Variants in TYW1 observed in about 807,000 individuals in gnomAD.
The protein encoded by TYW1 is tRNA-yW synthesizing protein 1 homolog, also known as S-adenosyl-L-methionine-dependent tRNA 4-demethylwyosine synthase TYW1.
A neutral mutation model predicts 96.2 loss-of-function variants in TYW1; 46 were observed. That is an observed-to-expected ratio of 0.48 (90% confidence interval 0.38 to 0.61). The LOEUF is 0.61. TYW1 is among the 20% of genes least tolerant of loss of function. The pLI, the probability that TYW1 is intolerant of heterozygous loss-of-function variation, is 0.00. For missense variants in TYW1, 684 were observed against 909.6 expected (o/e 0.75, Z 3.19); for synonymous variants, 274 against 323.0 (o/e 0.85, Z 1.63).
intron 10 of TYW1, among the ~76,000 whole-genome samples, chr7:67,078,935 C>A (rs1796294456): frequency 6.6e-6 from 1 of 152,052 alleles, no homozygotes; most frequent in African/African-American, 2.4e-5. Context: ...AATTCATGAT[C>A]CGCCCACCTT....
At chr7:67,133,557 G>T (rs1336649993) in intron 13 of TYW1, among the ~76,000 whole-genome samples, 1 of 149,438 alleles carries the variant, frequency 6.7e-6, no homozygotes, top group Non-Finnish European at 1.5e-5. Context: ...AATTAGCTGG[G>T]CGTGATGATG....
intron 13 of TYW1, among the ~76,000 whole-genome samples, chr7:67,178,553 G>A (rs1335447053): frequency 6.6e-6 from 1 of 152,030 alleles, no homozygotes; most frequent in African/African-American, 2.4e-5. Flanking sequence ...AAATGTTTAG[G>A]GAATGGTTGA....
At chr7:67,076,525 G>T (rs1584531438) in intron 10 of TYW1, among the ~76,000 whole-genome samples, 1 of 151,968 alleles carries the variant, frequency 6.6e-6, no homozygotes, top group East Asian at 1.9e-4. Flanking sequence ...GCCCAGGCTG[G>T]AGTGCAGTGG....
At position 67,007,841 on chromosome 7, in the gene TYW1, G is replaced by A. The variant is rs553579528; in HGVS notation, c.274-1742G>A. 2.5e-4 allele frequency among the ~76,000 whole-genome samples: 38 copies of A among 152,158 alleles called. 1 individual carries two copies. In the South Asian group the frequency reaches 7.3e-3, roughly 29 times the overall value. Reference sequence around the variant, plus strand: ...GTAGAGATGGGGTTTCACCATGTTGGTCTGGCTGGTCTTGAACTCCTGACC... The same window carrying A: ...GTAGAGATGGGGTTTCACCATGTTGATCTGGCTGGTCTTGAACTCCTGACC... On this transcript the variant is annotated intron_variant, in intron 3 of 15. Coordinates refer to ENST00000359626, the MANE Select transcript of TYW1 (RefSeq NM_018264.4).
At chr7:67,150,332 G>A (rs1051619843) in intron 13 of TYW1, among the ~76,000 whole-genome samples, 8 of 152,024 alleles carry the variant, frequency 5.3e-5, no homozygotes, top group African/African-American at 1.9e-4. Flanking sequence ...ACCACCTTTG[G>A]TGTCATTCTC....
At chr7:67,148,488 T>C (rs1798680898) in intron 13 of TYW1, among the ~76,000 whole-genome samples, 3 of 144,030 alleles carry the variant, frequency 2.1e-5, no homozygotes, top group South Asian at 4.5e-4. Flanking sequence ...TGCAGTGGCG[T>C]GATCTCGGCT....
chr7:67,033,099 A>G (rs1339790142), intron 7 of TYW1, among the ~76,000 whole-genome samples: 1 of 151,528 alleles, frequency 6.6e-6, no homozygotes, highest in Non-Finnish European at 1.5e-5. Context: ...GTTTCACCAT[A>G]TTGGCCAGGC....
intron 13 of TYW1, among the ~76,000 whole-genome samples, chr7:67,169,138 CTTATAT>C (rs957118274): frequency 1.3e-5 from 2 of 151,734 alleles, no homozygotes; most frequent in African/African-American, 4.8e-5. Flanking sequence ...TTCCTTTTTT[CTTATAT>C]TTATATTATT....
chr7:66,998,254 T>G, intron 2 of TYW1, 59 bp downstream of exon 2: 1 of 1,549,868 alleles, frequency 6.5e-7, no homozygotes, highest in Non-Finnish European at 8.6e-7. Context: ...TATAGAGGAT[T>G]TAAATACTAA....
intron 4 of TYW1, among the ~76,000 whole-genome samples, chr7:67,013,120 CTT>C (rs535642821): frequency 2.8e-5 from 4 of 141,510 alleles, no homozygotes; most frequent in Non-Finnish European, 3.1e-5. Context: ...CTTTTCTTTT[CTT>C]TTTTTTTTTT....
chr7:67,231,136 A>G (rs111470046), intron 15 of TYW1, among the ~76,000 whole-genome samples: 14,986 of 151,942 alleles, frequency 0.099, 808 homozygotes, highest in Middle Eastern at 0.13. Context: ...TGCAATTGCT[A>G]TTTGTTTCCA....
intron 13 of TYW1, among the ~76,000 whole-genome samples, chr7:67,146,672 C>G (rs1249991189): frequency 6.6e-6 from 1 of 152,090 alleles, no homozygotes; most frequent in Non-Finnish European, 1.5e-5. Flanking sequence ...AGAATTGGAC[C>G]AAATGTGAAT....
At chr7:67,089,280 G>C (rs1796641163) in intron 11 of TYW1, 1 of 1,374,984 alleles carries the variant, frequency 7.3e-7, no homozygotes, top group East Asian at 2.4e-5. Flanking sequence ...GGCAAACCAG[G>C]CTCCTTGTCC....
At chr7:67,041,668 A>G (rs907143247) in intron 7 of TYW1, among the ~76,000 whole-genome samples, 3 of 152,154 alleles carry the variant, frequency 2.0e-5, no homozygotes, top group Admixed American at 6.5e-5. Flanking sequence ...CATCCATGAC[A>G]CACCACATGA....
At position 67,050,594 on chromosome 7, in the gene TYW1, A is replaced by G. The variant is rs191816217; in HGVS notation, c.1102+528A>G. On this transcript the variant is annotated intron_variant, in intron 8 of 15. Transcript: ENST00000359626. Reference sequence around the variant, plus strand: ...TGTGACCGTTCTGGCAATGCAGAGAAACACAGGAAACTATATCTGCTTCAA... The same window carrying G: ...TGTGACCGTTCTGGCAATGCAGAGAGACACAGGAAACTATATCTGCTTCAA... Among the ~76,000 whole-genome samples the G allele has an allele frequency of 1.1e-3, 161 of 152,258 alleles. 3 individuals carry two copies. The East Asian group carries it at 0.03, about 28-fold the overall frequency.
At position 67,239,473 on chromosome 7, in the gene TYW1, T is replaced by C; in HGVS notation, c.*944T>C. The stretch of plus-strand genomic sequence containing the variant: ...AGTTAGCAAGTTCTTTTAACAGTCT[T>C]TTATGCAAAAATTGAATTAATAAAA... On this transcript the variant is annotated 3_prime_UTR_variant, in exon 16 of 16. Coordinates refer to ENST00000359626, the MANE Select transcript of TYW1 (RefSeq NM_018264.4). The C allele has an allele frequency of 1.1e-6, 1 of 886,432 alleles. No homozygotes were observed. The highest frequency in any genetic ancestry group is 1.4e-6 in the Non-Finnish European group (1 of 739,880). The allele number at this position is 886,432 out of a possible 1,614,324, so 54.9% of individuals were successfully genotyped here. A position where few individuals can be genotyped will look rare whatever the true frequency, so the allele number is the denominator to read the frequency against.
chr7:67,133,720 A>G (rs1798161624), intron 13 of TYW1, among the ~76,000 whole-genome samples: 2 of 146,332 alleles, frequency 1.4e-5, no homozygotes, highest in South Asian at 4.4e-4. Context: ...TTGAGGTTTT[A>G]TTTTATAATC....
chr7:67,108,206 T>G (rs1341133863), intron 12 of TYW1, among the ~76,000 whole-genome samples: 2 of 152,050 alleles, frequency 1.3e-5, no homozygotes, highest in African/African-American at 4.8e-5. Flanking sequence ...AATAAAACGT[T>G]AAGCCCACCA....
chr7:67,009,826 T>C (rs1490531375), intron 4 of TYW1, 142 bp downstream of exon 4: 4 of 773,122 alleles, frequency 5.2e-6, no homozygotes, highest in Admixed American at 6.4e-5. Context: ...TGAATTCCAG[T>C]GTGAATCAGA....
Sources: gnomAD v4.1 joint callset for allele counts (sites outside exome capture counted in the v4.1 genomes callset) on GRCh38, gnomAD v4.1.1 for gene constraint, MANE v1.5 for transcripts, NCBI Gene and HGNC (gene_info 2026-07-23, HGNC 2026-07-21) for gene names.